HMX1: variants seen among roughly 807,000 people sequenced by gnomAD.
HMX1 encodes the protein homeobox protein HMX1.
Under a neutral mutation model 8.9 loss-of-function variants are expected in HMX1, and 8 were observed. The ratio of observed to expected loss-of-function variants is 0.90; its 90% CI spans 0.53 to 1.63. The LOEUF (loss-of-function observed/expected upper bound fraction) is 1.63. Ranked by LOEUF, HMX1 falls within the 40% of genes most tolerant of loss-of-function variation. The probability of loss-of-function intolerance (pLI) is 0.00; values close to 1 mark genes in which losing one functional copy is unlikely to be tolerated. For synonymous variants in HMX1, 311 were observed against 283.4 expected, an observed-to-expected ratio of 1.10 and a Z score of -0.98; for missense variants, 621 against 558.5, an observed-to-expected ratio of 1.11 and a Z score of -1.13.
In HMX1 at chr4:8,870,117, C is replaced by G. The variant is rs1302638753; in HGVS notation, c.394+1104G>C. Among the ~76,000 whole-genome samples the G allele has an allele frequency of 1.3e-5, 2 of 152,096 alleles. No homozygotes were observed. The highest frequency in any genetic ancestry group is 2.9e-5 in the Non-Finnish European group (2 of 68,026). ...GAGTGAGGGTCGTAGGCCACTTACTCCCCAGCACACACTAATATTCATACA... is the reference window on the plus strand; with the variant it reads ...GAGTGAGGGTCGTAGGCCACTTACTGCCCAGCACACACTAATATTCATACA... On this transcript the variant is annotated intron_variant, in intron 1 of 1. Coordinates refer to ENST00000400677, the MANE Select transcript of HMX1 (RefSeq NM_018942.3). The surrounding 1 kb of genome is among the most constrained non-coding windows in gnomAD (Gnocchi z 4.4).
downstream of HMX1, among the ~76,000 whole-genome samples, chr4:8,866,888 G>A (rs187220695): frequency 1.8e-4 from 27 of 152,208 alleles, no homozygotes; most frequent in East Asian, 4.8e-3. Context: ...GGGGCACAGC[G>A]CTCATCACCT....
At chr4:8,855,013 T>TGAAACAC (rs1301335556) in intron 1 of HMX1, among the ~76,000 whole-genome samples, 2 of 152,184 alleles carry the variant, frequency 1.3e-5, no homozygotes, top group East Asian at 3.8e-4. Flanking sequence ...TCCTGCTAAG[T>TGAAACAC]ACAGTGAGTC....
At chr4:8,850,517 C>A (rs1221927508) in intron 1 of HMX1, among the ~76,000 whole-genome samples, 1 of 152,142 alleles carries the variant, frequency 6.6e-6, no homozygotes, top group African/African-American at 2.4e-5. Context: ...CAGGCCTAGC[C>A]TCTGCTGCCC....
downstream of HMX1, among the ~76,000 whole-genome samples, chr4:8,865,911 A>G (rs1186412616): frequency 6.6e-6 from 1 of 152,188 alleles, no homozygotes; most frequent in Non-Finnish European, 1.5e-5. Flanking sequence ...GAGGGGGCCC[A>G]GGCAGCAACA....
downstream of HMX1, among the ~76,000 whole-genome samples, chr4:8,862,897 A>G (rs1463623404): frequency 2.0e-5 from 3 of 152,164 alleles, no homozygotes; most frequent in Non-Finnish European, 4.4e-5. Flanking sequence ...CGCAGAGCTT[A>G]GCTCTGTGAG....
chr4:8,852,204 T>A (rs561242122), intron 1 of HMX1, among the ~76,000 whole-genome samples: 1 of 152,300 alleles, frequency 6.6e-6, no homozygotes, highest in East Asian at 1.9e-4. Flanking sequence ...GCCAATTTAG[T>A]GGCAATTTGT....
chr4:8,859,467 C>G (rs990058005), intron 1 of HMX1, among the ~76,000 whole-genome samples: 18 of 152,174 alleles, frequency 1.2e-4, no homozygotes, highest in African/African-American at 4.3e-4. Flanking sequence ...ATGGGGCCCT[C>G]TGAGGTGCAG....
In HMX1 at chr4:8,867,436, A is replaced by C; in HGVS notation, c.*257T>G. Reference sequence around the variant, plus strand: ...GTGGCCGTGGCGCCGGGGGCTGCGCAGCCCAGAGTCTCTGCATGGCCCCCT... The same window carrying C: ...GTGGCCGTGGCGCCGGGGGCTGCGCCGCCCAGAGTCTCTGCATGGCCCCCT... On this transcript the variant is annotated 3_prime_UTR_variant, in exon 2 of 2. Coordinates refer to ENST00000400677, the MANE Select transcript of HMX1 (RefSeq NM_018942.3). 3.7e-6 allele frequency: 4 copies of C among 1,090,626 alleles called. No individual in the cohort carries two copies. Among genetic ancestry groups the C allele is most frequent in the Non-Finnish European group, 1.1e-6 (1 of 899,034 alleles). The allele number at this position is 1,090,626 out of a possible 1,614,324, so 67.6% of individuals were successfully genotyped here.
chr4:8,859,267 A>G (rs557845180), intron 1 of HMX1, among the ~76,000 whole-genome samples: 1 of 151,524 alleles, frequency 6.6e-6, no homozygotes, highest in East Asian at 2.0e-4. Context: ...TCTTGTCTAT[A>G]TAAACAGTTT....
At chr4:8,861,084 G>A (rs923927591) in intron 1 of HMX1, among the ~76,000 whole-genome samples, 1 of 152,044 alleles carries the variant, frequency 6.6e-6, no homozygotes, top group African/African-American at 2.4e-5. Context: ...GCCGAGTCGC[G>A]TCCGCGGGGT....
chr4:8,855,897 C>G (rs1252430363), intron 1 of HMX1, among the ~76,000 whole-genome samples: 1 of 152,146 alleles, frequency 6.6e-6, no homozygotes, highest in Non-Finnish European at 1.5e-5. Context: ...GGTTCCTGTA[C>G]GGGGCCAGCC....
chr4:8,858,370 G>A (rs537053467), intron 1 of HMX1, among the ~76,000 whole-genome samples: 18 of 152,336 alleles, frequency 1.2e-4, no homozygotes, highest in African/African-American at 3.6e-4. Flanking sequence ...ACACCGAGGG[G>A]TGAGGGGGCA....
In HMX1 at chr4:8,870,366, A is replaced by C. The variant is rs1218338032; in HGVS notation, c.394+855T>G. ...GGAGGGGAAGCAGAACTAAGGGGTC[A>C]GATACCCAAGCAAGGGGGCAAAGGG... On this transcript the variant is annotated intron_variant, in intron 1 of 1. Coordinates refer to ENST00000400677, the MANE Select transcript of HMX1 (RefSeq NM_018942.3). This position sits in a 1 kb window ranked among gnomAD's most constrained non-coding sequence, Gnocchi z 4.4. Among the ~76,000 whole-genome samples the C allele has an allele frequency of 2.6e-5, 4 of 152,154 alleles. No individual in the cohort carries two copies. In the East Asian group the frequency reaches 7.8e-4, roughly 30 times the overall value.
intron 1 of HMX1, among the ~76,000 whole-genome samples, chr4:8,869,609 C>A (rs141238096): frequency 2.2e-4 from 34 of 152,352 alleles, no homozygotes; most frequent in African/African-American, 8.2e-4. Context: ...ATCCCACTCA[C>A]GCCCGTGGCC....
At chr4:8,857,865 C>G (rs1721664327) in intron 1 of HMX1, among the ~76,000 whole-genome samples, 1 of 152,126 alleles carries the variant, frequency 6.6e-6, no homozygotes, top group African/African-American at 2.4e-5. Context: ...GTCATCCACA[C>G]GCGCCGTGCC....
Position 8,853,169 on chromosome 4 carries a change from T to C in HMX1, c.395-6845A>G, listed in dbSNP as rs1167432047. ...TATTTCTTAAATGGAAGCCAAGTCATGGTAGCTTACACAAGACAGAAAGTT... is the reference window on the plus strand; with the variant it reads ...TATTTCTTAAATGGAAGCCAAGTCACGGTAGCTTACACAAGACAGAAAGTT... On this transcript the variant is annotated intron_variant, in intron 1 of 1. Coordinates refer to the HMX1 transcript ENST00000506970. The surrounding 1 kb of genome is among the most constrained non-coding windows in gnomAD (Gnocchi z 4.7). Among the ~76,000 whole-genome samples the C allele has an allele frequency of 6.6e-6, 1 of 152,184 alleles. No homozygotes were observed. Among genetic ancestry groups the C allele is most frequent in the East Asian group, 1.9e-4 (1 of 5,184 alleles).
At chr4:8,862,330 C>T (rs1721855854), downstream of HMX1, among the ~76,000 whole-genome samples, 1 of 152,206 alleles carries the variant, frequency 6.6e-6, no homozygotes, top group Non-Finnish European at 1.5e-5. Context: ...AGAGATTCAG[C>T]CGCTGGGGAG....
intron 1 of HMX1, among the ~76,000 whole-genome samples, chr4:8,854,489 T>A (rs917631913): frequency 6.6e-6 from 1 of 152,154 alleles, no homozygotes; most frequent in African/African-American, 2.4e-5. Flanking sequence ...ACACTGAGGT[T>A]CCCCCAAGCA....
Position 8,848,708 on chromosome 4 carries a change from C to T in HMX1, c.395-2384G>A, listed in dbSNP as rs1208731867. 6.6e-6 allele frequency among the ~76,000 whole-genome samples: 1 copy of T among 152,146 alleles called. No homozygotes were observed. The highest frequency in any genetic ancestry group is 1.5e-5 in the Non-Finnish European group (1 of 68,020). On this transcript the variant is annotated intron_variant, in intron 1 of 1. Transcript: ENST00000506970. This position sits in a 1 kb window ranked among gnomAD's most constrained non-coding sequence, Gnocchi z 4.1. ...TGCAAGAACACAGATCTGCAGGCCA[C>T]TAGAACCAAGCAAGATGCCAACATG...
Sources: allele counts gnomAD v4.1 joint callset (sites outside exome capture counted in the v4.1 genomes callset), GRCh38; gene constraint gnomAD v4.1.1; non-coding constraint Gnocchi (gnomAD v3.1); transcripts MANE v1.5; gene names NCBI Gene and HGNC (gene_info 2026-07-23, HGNC 2026-07-21).